CASR: variants seen among roughly 807,000 people sequenced by gnomAD.
The protein encoded by CASR is calcium sensing receptor, also known as extracellular calcium-sensing receptor.
Under a neutral mutation model 69.1 loss-of-function variants are expected in CASR, and 23 were observed. The observed-to-expected ratio is 0.33, with a 90% confidence interval of 0.24 to 0.47. CASR has a LOEUF of 0.47. Ranked by LOEUF, CASR falls within the 20% of genes least tolerant of loss-of-function variation. The probability of loss-of-function intolerance (pLI) is 1.00; values close to 1 mark genes in which losing one functional copy is unlikely to be tolerated. For synonymous variants in CASR, 541 were observed against 544.7 expected (o/e 0.99, Z 0.10); for missense variants, 924 against 1,356.1 (o/e 0.68, Z 5.00).
intron 4 of CASR, among the ~76,000 whole-genome samples, chr3:122,265,702 C>T (rs1009917690): frequency 2.0e-5 from 3 of 152,150 alleles, no homozygotes; most frequent in African/African-American, 7.2e-5. Flanking sequence ...GTCACGTGCC[C>T]ACTATCAAGT....
chr3:122,246,943 C>T (rs1267445742), intron 1 of CASR: 1 of 152,270 alleles, frequency 6.6e-6, no homozygotes, highest in Non-Finnish European at 1.5e-5. Flanking sequence ...TTCAAAGTTA[C>T]ATCAGCAGTC....
At chr3:122,251,924 A>G (rs536242122) in intron 1 of CASR, among the ~76,000 whole-genome samples, 20 of 152,262 alleles carry the variant, frequency 1.3e-4, no homozygotes, top group Non-Finnish European at 2.4e-4. Context: ...TGGCATCCAA[A>G]GATTTGCAAA....
intron 1 of CASR, among the ~76,000 whole-genome samples, chr3:122,252,340 GA>G (rs1559954052): frequency 6.9e-5 from 3 of 43,378 alleles, no homozygotes; most frequent in South Asian, 7.6e-4. Flanking sequence ...GAGAGAGAAA[GA>G]AAGAAGAAAG....
chr3:122,206,511 A>G (rs1331529159), intron 1 of CASR, among the ~76,000 whole-genome samples: 1 of 151,968 alleles, frequency 6.6e-6, no homozygotes, highest in Non-Finnish European at 1.5e-5. Flanking sequence ...ATCTATGTCT[A>G]TCAGGAATAG....
intron 4 of CASR, among the ~76,000 whole-genome samples, chr3:122,274,844 G>T (rs1306146432): frequency 6.6e-6 from 1 of 152,156 alleles, no homozygotes; most frequent in Non-Finnish European, 1.5e-5. Context: ...TTACTCTCAC[G>T]TGGTGTCACA....
At chr3:122,282,010 C>A (rs2074894248) in intron 5 of CASR, 103 bp from the exon 6 acceptor site, 18 of 1,549,858 alleles carry the variant, frequency 1.2e-5, no homozygotes, top group Non-Finnish European at 1.6e-5. Flanking sequence ...CACACTGATT[C>A]TTGTGCCCAA....
intron 3 of CASR, among the ~76,000 whole-genome samples, chr3:122,257,896 A>G (rs2074573490): frequency 6.6e-6 from 1 of 152,242 alleles, no homozygotes; most frequent in South Asian, 2.1e-4. Flanking sequence ...AAACGGAGAA[A>G]ATTCTATTTC....
rs1488060340 is a variant in CASR at position 122,290,737 on chromosome 3, T to C, written c.*5546T>C. On this transcript the variant is annotated 3_prime_UTR_variant, in exon 7 of 7. Transcript: ENST00000639785. ...CTCCAAATTTTTCTTTATTCTTTTT[T>C]TTTTATTATACTTTAAGTTTTAGGG... 1 of 152,180 alleles carries C rather than the reference T, an allele frequency of 6.6e-6. No individual in the cohort carries two copies. The highest frequency in any genetic ancestry group is 1.5e-5 in the Non-Finnish European group (1 of 68,024). 9.4% of individuals were successfully genotyped at this position (152,180 alleles called of 1,614,324 possible).
At chr3:122,274,310 G>T (rs906347109) in intron 4 of CASR, among the ~76,000 whole-genome samples, 9 of 152,254 alleles carry the variant, frequency 5.9e-5, no homozygotes, top group Non-Finnish European at 1.3e-4. Flanking sequence ...CTGCCCCCAA[G>T]CATGTCTTGG....
At position 122,189,345 on chromosome 3, in the gene CASR, G is replaced by A. The variant is rs1182914555; in HGVS notation, c.-243+5533G>A. ...AAATGTGCTAAACACAATGTGTGGC[G>A]TATGGTGGGTGCTTAACTAGCTGAT... On this transcript the variant is annotated intron_variant, in intron 1 of 6. Coordinates refer to ENST00000639785, the MANE Select transcript of CASR (RefSeq NM_000388.4). Among the ~76,000 whole-genome samples the A allele has an allele frequency of 4.6e-5, 7 of 152,234 alleles. No individual in the cohort carries two copies. In the South Asian group the frequency reaches 6.2e-4, roughly 13 times the overall value.
At position 122,200,994 on chromosome 3, in the gene CASR, C is replaced by CTTTTTTTTTTT. The variant is rs67815991; in HGVS notation, c.-243+17192_-243+17193insTTTTTTTTTTT. On this transcript the variant is annotated intron_variant, in intron 1 of 6. Transcript: ENST00000639785. ...TGAATATCTTTTGCCCATTGCTTTT[C>CTTTTTTTTTTT]TTTTTTTTTTATTTTTTTTTTTTTT... is the stretch of plus-strand genomic sequence containing the variant. Among the ~76,000 whole-genome samples the CTTTTTTTTTTT allele has an allele frequency of 2.5e-3, 203 of 81,542 alleles. 5 individuals carry two copies. The highest frequency in any genetic ancestry group is 2.8e-3 in the Non-Finnish European group (116 of 41,344). The allele number at this position is 81,542 out of a possible 152,430, so 53.5% of individuals were successfully genotyped here. A position where few individuals can be genotyped will look rare whatever the true frequency, so the allele number is the denominator to read the frequency against.
At chr3:122,191,814 G>A (rs2073842616) in intron 1 of CASR, among the ~76,000 whole-genome samples, 1 of 152,158 alleles carries the variant, frequency 6.6e-6, no homozygotes, top group Admixed American at 6.5e-5. Flanking sequence ...CAATCACATG[G>A]GTGGTGAAAC....
intron 1 of CASR, among the ~76,000 whole-genome samples, chr3:122,200,886 T>C (rs2073941682): frequency 6.6e-6 from 1 of 152,210 alleles, no homozygotes; most frequent in Admixed American, 6.5e-5. Flanking sequence ...CATTGCCAAA[T>C]TGTTGCGGTT....
intron 1 of CASR, among the ~76,000 whole-genome samples, chr3:122,236,009 C>T (rs572700624): frequency 6.6e-6 from 1 of 152,260 alleles, no homozygotes; most frequent in South Asian, 2.1e-4. Flanking sequence ...TAACAAGTTC[C>T]CAAGTGATGG....
chr3:122,188,287 G>C (rs527669379), intron 1 of CASR, among the ~76,000 whole-genome samples: 1 of 152,190 alleles, frequency 6.6e-6, no homozygotes, highest in Non-Finnish European at 1.5e-5. Flanking sequence ...TTGAGATATC[G>C]TCAAAGTAGA....
chr3:122,225,009 C>T (rs1235330415), intron 1 of CASR, among the ~76,000 whole-genome samples: 1 of 152,052 alleles, frequency 6.6e-6, no homozygotes, highest in East Asian at 1.9e-4. Flanking sequence ...TTAACTGGCT[C>T]GCATAGGCAG....
intron 3 of CASR, among the ~76,000 whole-genome samples, chr3:122,258,690 T>A (rs2074584432): frequency 6.6e-6 from 1 of 152,198 alleles, no homozygotes; most frequent in South Asian, 2.1e-4. Context: ...TTAAGTTGAG[T>A]TTGAATTATA....
At chr3:122,225,577 A>G (rs1370231319) in intron 1 of CASR, among the ~76,000 whole-genome samples, 1 of 144,338 alleles carries the variant, frequency 6.9e-6, no homozygotes, top group Non-Finnish European at 1.5e-5. Context: ...AAAAAAACAG[A>G]TGTTGGGGAG....
rs1459582588 is a variant in CASR at position 122,213,821 on chromosome 3, G to A, written c.-243+30009G>A. The stretch of plus-strand genomic sequence containing the variant: ...GGCAAAGAGAAGGCAAGGATGATCT[G>A]AGATGACTTACTCATACTGGCTCCT... On this transcript the variant is annotated intron_variant, in intron 1 of 6. Coordinates refer to ENST00000639785, the MANE Select transcript of CASR (RefSeq NM_000388.4). Among the ~76,000 whole-genome samples, 3 of 152,350 alleles carry A rather than the reference G, an allele frequency of 2.0e-5. No individual in the cohort carries two copies. In the South Asian group the frequency reaches 6.2e-4, roughly 32 times the overall value.
Sources: gnomAD v4.1 joint callset for allele counts (sites outside exome capture counted in the v4.1 genomes callset) on GRCh38, gnomAD v4.1.1 for gene constraint, MANE v1.5 for transcripts, NCBI Gene and HGNC (gene_info 2026-07-23, HGNC 2026-07-21) for gene names.